STX5: variants seen among roughly 807,000 people sequenced by gnomAD.
The protein encoded by STX5 is syntaxin-5.
STX5 carries 15 observed loss-of-function variants against 42.9 expected under a neutral mutation model. That is an observed-to-expected ratio of 0.35 (90% CI 0.23 to 0.54). The LOEUF (loss-of-function observed/expected upper bound fraction) is 0.54. Among genes scored for constraint, STX5 ranks in the 20% least tolerant of loss-of-function variants. The pLI is 0.91. For synonymous variants in STX5, 184 were observed against 173.2 expected, an observed-to-expected ratio of 1.06 and a Z score of -0.49; for missense variants, 430 against 455.0, an observed-to-expected ratio of 0.95 and a Z score of 0.50.
In STX5 at chr11:62,824,532, T is replaced by C; in HGVS notation, c.713A>G (p.His238Arg). ...GGAVVLGAES[H>R]ASKDVAIDMM... is the part of the protein sequence containing the mutation. The stretch of plus-strand genomic sequence containing the variant: ...GTCGATGGCGACATCCTTGGAGGCA[T>C]GGGACTCTGCCCCCAGAACCACAGC... Residue 238 changes from histidine (H) to arginine (R), a missense_variant, in exon 9 of 11, where the codon CAT becomes CGT. By Grantham distance (29) the His-to-Arg change is conservative. Transcript: ENST00000294179. 3 of 1,614,154 alleles carry C rather than the reference T, an allele frequency of 1.9e-6. No homozygotes were observed. Among genetic ancestry groups the C allele is most frequent in the East Asian group, 2.2e-5 (1 of 44,888 alleles).
At chr11:62,813,898 TC>T (rs2084644529) in intron 10 of STX5, among the ~76,000 whole-genome samples, 1 of 152,202 alleles carries the variant, frequency 6.6e-6, no homozygotes, top group East Asian at 1.9e-4. Flanking sequence ...GGAGCCCACT[TC>T]CTTTCACCTT....
chr11:62,815,672 G>A (rs940028686), intron 10 of STX5, among the ~76,000 whole-genome samples: 2 of 151,724 alleles, frequency 1.3e-5, no homozygotes, highest in Non-Finnish European at 2.9e-5. Context: ...AAGTAGCTGG[G>A]ACCACAGGCA....
chr11:62,831,387 T>A (rs2084861175), intron 1 of STX5, 125 bp from the exon 2 acceptor site: 1 of 750,458 alleles, frequency 1.3e-6, no homozygotes, highest in Non-Finnish European at 2.3e-6. Flanking sequence ...CCCAGGACGC[T>A]CGCAAATCCT....
intron 10 of STX5, among the ~76,000 whole-genome samples, chr11:62,818,611 G>C (rs1165884155): frequency 6.6e-6 from 1 of 150,418 alleles, no homozygotes; most frequent in Non-Finnish European, 1.5e-5. Flanking sequence ...AGGCACATTG[G>C]GAGGTCAAGG....
chr11:62,816,722 G>GAAA lies in STX5; in HGVS notation c.908+7441_908+7443dup, dbSNP rs71056565. ...TAACATGGTGAAACCCGCCTTTACT[G>GAAA]AAAAAAAAAAAAAAAAAAAAGAAGA... On this transcript the variant is annotated intron_variant, in intron 10 of 10. Transcript: ENST00000294179. Among the ~76,000 whole-genome samples, 160 of 90,138 alleles carry GAAA rather than the reference G, an allele frequency of 1.8e-3. 2 individuals are homozygous for GAAA. Among genetic ancestry groups the GAAA allele is most frequent in the Middle Eastern group, 6.8e-3 (1 of 148 alleles). 59.1% of individuals were successfully genotyped at this position (90,138 alleles called of 152,430 possible).
At chr11:62,807,702 TG>T in intron 10 of STX5, 74 bp from the exon 11 acceptor site, 4 of 1,579,060 alleles carry the variant, frequency 2.5e-6, no homozygotes, top group Non-Finnish European at 3.4e-6. Flanking sequence ...GTCCATTTAT[TG>T]ACATGGAAAG....
chr11:62,828,298 A>C (rs145817360), intron 2 of STX5, among the ~76,000 whole-genome samples: 3 of 152,140 alleles, frequency 2.0e-5, no homozygotes, highest in African/African-American at 7.2e-5. Context: ...CTTTTTGTAG[A>C]GATAGGGTCT....
At chr11:62,827,050 C>T in intron 5 of STX5, 105 bp downstream of exon 5, 2 of 1,072,960 alleles carry the variant, frequency 1.9e-6, no homozygotes, top group Non-Finnish European at 2.7e-6. Context: ...ACCCCCCTCT[C>T]TAAAAAAAGA....
At position 62,822,189 on chromosome 11, in the gene STX5, T is replaced by C. The variant is rs555505607; in HGVS notation, c.908+1977A>G. On this transcript the variant is annotated intron_variant, in intron 10 of 10. Transcript: ENST00000294179. ...ACCAGCCTGGCCAATGTGGCAAAAC[T>C]CTGTCTCTACTAAAAATACAAAAAG... Among the ~76,000 whole-genome samples the C allele has an allele frequency of 2.0e-5, 3 of 151,500 alleles. No homozygotes were observed. In the East Asian group the frequency reaches 5.9e-4, roughly 30 times the overall value.
At chr11:62,823,337 G>C (rs1414845005) in intron 10 of STX5, among the ~76,000 whole-genome samples, 5 of 151,774 alleles carry the variant, frequency 3.3e-5, no homozygotes, top group Non-Finnish European at 7.4e-5. Flanking sequence ...ACCATGTCCA[G>C]CTAATTTTTT....
chr11:62,828,281 T>G (rs1276633301), intron 2 of STX5, among the ~76,000 whole-genome samples: 2 of 151,862 alleles, frequency 1.3e-5, no homozygotes, highest in Admixed American at 6.6e-5. Flanking sequence ...ACCTAGCTAA[T>G]TTTTAACTTT....
intron 5 of STX5, among the ~76,000 whole-genome samples, chr11:62,826,579 A>G (rs545910007): frequency 6.7e-6 from 1 of 150,180 alleles, no homozygotes; most frequent in African/African-American, 2.4e-5. Context: ...ATAAATAAAT[A>G]AATAAATAAA....
chr11:62,808,854 GATTTA>G (rs755717594), intron 10 of STX5, among the ~76,000 whole-genome samples: 43 of 152,232 alleles, frequency 2.8e-4, no homozygotes, highest in African/African-American at 6.7e-4. Flanking sequence ...ATCAGTGTTA[GATTTA>G]ATTTAACATT....
chr11:62,831,164 G>A lies in STX5; in HGVS notation c.80C>T (p.Ser27Phe). The A allele has an allele frequency of 6.4e-7, 1 of 1,563,030 alleles. No individual in the cohort carries two copies. The highest frequency in any genetic ancestry group is 8.7e-7 in the Non-Finnish European group (1 of 1,153,216). ...GCTGCTACTGCCAGCAGTTGCAGGG[G>A]ACAGGACCTGTGTCTTTGAGAGACC... ...YLGLSKTQVL[S>F]PATAGSSSSD... The change falls in exon 2 of 11, where the codon TCC becomes TTC. Residue 27 changes from serine (S) to phenylalanine (F), a missense_variant. By Grantham distance (155) the Ser-to-Phe change is radical. Coordinates refer to ENST00000294179, the MANE Select transcript of STX5 (RefSeq NM_003164.5).
At chr11:62,818,052 T>A (rs1231930742) in intron 10 of STX5, among the ~76,000 whole-genome samples, 1 of 152,156 alleles carries the variant, frequency 6.6e-6, no homozygotes, top group Non-Finnish European at 1.5e-5. Context: ...GAGACCAGAC[T>A]GCCCAACATG....
At chr11:62,827,988 G>A (rs947135283) in intron 2 of STX5, among the ~76,000 whole-genome samples, 3 of 150,186 alleles carry the variant, frequency 2.0e-5, no homozygotes, top group Non-Finnish European at 3.0e-5. Flanking sequence ...TACATAGTAA[G>A]CACTAAATAA....
In STX5 at chr11:62,807,647, G is replaced by A; in HGVS notation, c.909-19C>T. 2 of 1,613,658 alleles carry A rather than the reference G, an allele frequency of 1.2e-6. No individual in the cohort carries two copies. The highest frequency in any genetic ancestry group is 1.7e-6 in the Non-Finnish European group (2 of 1,179,800). Reference sequence around the variant, plus strand: ...GTCGATCCTGGGGACAAGGCCGGGAGAAGAGGAAACAAAAGGACACTGGAT... The same window carrying A: ...GTCGATCCTGGGGACAAGGCCGGGAAAAGAGGAAACAAAAGGACACTGGAT... On this transcript the variant is annotated intron_variant, in intron 10 of 10. Coordinates refer to ENST00000294179, the MANE Select transcript of STX5 (RefSeq NM_003164.5).
chr11:62,818,989 G>A (rs2084707264), intron 10 of STX5, among the ~76,000 whole-genome samples: 1 of 151,928 alleles, frequency 6.6e-6, no homozygotes, highest in Admixed American at 6.6e-5. Flanking sequence ...GGAGGCCGAG[G>A]CAGGTGGATC....
intron 10 of STX5, among the ~76,000 whole-genome samples, chr11:62,813,651 G>A (rs988169293): frequency 1.3e-5 from 2 of 152,130 alleles, no homozygotes; most frequent in African/African-American, 2.4e-5. Flanking sequence ...TAGATACCGT[G>A]GGGAATAAAG....
Sources: allele counts gnomAD v4.1 joint callset (sites outside exome capture counted in the v4.1 genomes callset), GRCh38; gene constraint gnomAD v4.1.1; transcripts MANE v1.5; gene names NCBI Gene and HGNC (gene_info 2026-07-23, HGNC 2026-07-21).